Variants in STK3 observed in about 807,000 individuals in gnomAD.
STK3 encodes serine/threonine kinase 3.
STK3 carries 41 observed loss-of-function variants against 58.0 expected under a neutral mutation model. The ratio of observed to expected loss-of-function variants is 0.71; its 90% CI spans 0.55 to 0.92. The LOEUF (loss-of-function observed/expected upper bound fraction) is 0.92. Among genes scored for constraint, STK3 ranks in the 40% least tolerant of loss-of-function variants. STK3 has a pLI of 0.00. For synonymous variants in STK3, 170 were observed against 191.0 expected, an observed-to-expected ratio of 0.89 and a Z score of 0.91; for missense variants, 479 against 602.7, an observed-to-expected ratio of 0.79 and a Z score of 2.15.
chr8:98,573,645 C>T (rs554482764), intron 8 of STK3, among the ~76,000 whole-genome samples: 3 of 152,226 alleles, frequency 2.0e-5, no homozygotes, highest in Admixed American at 2.0e-4. Flanking sequence ...GCCTTTCCAA[C>T]AGTCCCCCAA....
chr8:98,736,896 T>C (rs1283284810), intron 4 of STK3, among the ~76,000 whole-genome samples: 1 of 152,194 alleles, frequency 6.6e-6, no homozygotes, highest in Non-Finnish European at 1.5e-5. Flanking sequence ...TTTCTAATAA[T>C]GTAATCTAAA....
chr8:98,546,333 T>C (rs1810697614), intron 9 of STK3, among the ~76,000 whole-genome samples: 2 of 152,144 alleles, frequency 1.3e-5, no homozygotes, highest in Non-Finnish European at 2.9e-5. Flanking sequence ...CCTTGAAATA[T>C]AATACACTGC....
intron 1 of STK3, among the ~76,000 whole-genome samples, chr8:98,928,156 C>T (rs1399580189): frequency 2.0e-5 from 3 of 152,190 alleles, no homozygotes; most frequent in Non-Finnish European, 4.4e-5. Flanking sequence ...ATTGTTGTGG[C>T]ATTCCACGGC....
Position 98,825,606 on chromosome 8 carries a change from G to T in STK3, c.-66C>A, listed in dbSNP as rs973990350. 5 of 1,367,336 alleles carry T rather than the reference G, an allele frequency of 3.7e-6. No individual in the cohort carries two copies. The African/African-American group carries it at 7.7e-5, about 21-fold the overall frequency. 84.7% of individuals were successfully genotyped at this position (1,367,336 alleles called of 1,614,324 possible). ...GGCCGAAAGGAGGAAAGGAGCCGGG[G>T]CACCGGCCGGCCGAGCCTAGGGCAC... On this transcript the variant is annotated 5_prime_UTR_variant, in exon 1 of 11. Transcript: ENST00000419617.
At chr8:98,411,406 A>G (rs1232253627) in intron 3 of STK3, among the ~76,000 whole-genome samples, 2 of 152,244 alleles carry the variant, frequency 1.3e-5, no homozygotes, top group Non-Finnish European at 2.9e-5. Context: ...CTTAAGGCCA[A>G]TAGGCCCCCT....
intron 3 of STK3, among the ~76,000 whole-genome samples, chr8:98,870,447 A>T (rs1055931252): frequency 1.8e-4 from 27 of 152,188 alleles, no homozygotes; most frequent in African/African-American, 6.0e-4. Context: ...GAACTAGTTT[A>T]CACTCCCACC....
At chr8:98,743,636 A>G (rs1829410683) in intron 4 of STK3, among the ~76,000 whole-genome samples, 1 of 152,204 alleles carries the variant, frequency 6.6e-6, no homozygotes, top group African/African-American at 2.4e-5. Context: ...ACAACCCTAG[A>G]AGAAAACCTA....
At chr8:98,651,179 G>GT (rs1387072777) in intron 6 of STK3, among the ~76,000 whole-genome samples, 50 of 152,284 alleles carry the variant, frequency 3.3e-4, no homozygotes, top group African/African-American at 1.0e-3. Flanking sequence ...AGCATTCGCG[G>GT]TCACGAAAAT....
At chr8:98,708,773 C>CTGAG (rs899435340) in intron 4 of STK3, among the ~76,000 whole-genome samples, 1 of 152,138 alleles carries the variant, frequency 6.6e-6, no homozygotes, top group African/African-American at 2.4e-5. Flanking sequence ...TGTGAATTGA[C>CTGAG]TGAGTGAGTG....
intron 4 of STK3, chr8:98,722,844 A>C: frequency 2.0e-6 from 1 of 489,978 alleles, no homozygotes; most frequent in South Asian, 1.5e-5. Flanking sequence ...GGGAGAAAAC[A>C]CATGAGAGAG....
At chr8:98,353,483 C>A in the STK3 span, among the ~76,000 whole-genome samples, 1 of 150,480 alleles carries the variant, frequency 6.6e-6, no homozygotes, top group Non-Finnish European at 1.5e-5. Context: ...AGAGTGAGAC[C>A]CTGTTTCTAA....
rs1481583215 is a variant in STK3 at position 98,427,697 on chromosome 8, G to T, written n.483+6430C>A. 7.5e-5 allele frequency: 23 copies of T among 307,162 alleles called. No homozygotes were observed. In the East Asian group the frequency reaches 1.2e-3, roughly 16 times the overall value. 19.0% of individuals were successfully genotyped at this position (307,162 alleles called of 1,614,324 possible). On this transcript the variant is annotated intron_variant and non_coding_transcript_variant, in intron 3 of 3. Transcript: ENST00000517832. Reference sequence around the variant, plus strand: ...CCCCCTGGGCGCTCAGAGCCGCGGGGACGCGACCCCGCACGCGCAAAGCGC... The same window carrying T: ...CCCCCTGGGCGCTCAGAGCCGCGGGTACGCGACCCCGCACGCGCAAAGCGC...
chr8:98,853,798 A>G (rs1264448428), intron 3 of STK3, among the ~76,000 whole-genome samples: 1 of 152,250 alleles, frequency 6.6e-6, no homozygotes, highest in East Asian at 1.9e-4. Context: ...ATAGAACTAT[A>G]TGTCAGAAAG....
intron 4 of STK3, among the ~76,000 whole-genome samples, chr8:98,742,450 C>T (rs1829299814): frequency 8.1e-6 from 1 of 122,868 alleles, no homozygotes; most frequent in Non-Finnish European, 1.7e-5. Context: ...TAAACGTAAT[C>T]CATCACGTAA....
chr8:98,497,465 A>T (rs912307397), intron 10 of STK3, among the ~76,000 whole-genome samples: 17 of 152,172 alleles, frequency 1.1e-4, no homozygotes, highest in Non-Finnish European at 2.1e-4. Flanking sequence ...ATCAAAATTT[A>T]AAAATGTGCT....
At chr8:98,415,293 G>A (rs1047797619) in intron 3 of STK3, among the ~76,000 whole-genome samples, 1 of 152,144 alleles carries the variant, frequency 6.6e-6, no homozygotes, top group Non-Finnish European at 1.5e-5. Flanking sequence ...ATCCAGTCTC[G>A]GGTATTTTGT....
At chr8:98,719,178 T>C (rs894178150) in intron 4 of STK3, among the ~76,000 whole-genome samples, 3 of 152,140 alleles carry the variant, frequency 2.0e-5, no homozygotes, top group East Asian at 1.9e-4. Flanking sequence ...GGTGCTGTCA[T>C]GTGCACCTAG....
rs115044686 is a variant in STK3 at position 98,658,255 on chromosome 8, C to G, written c.684+48212G>C. Among the ~76,000 whole-genome samples the G allele has an allele frequency of 4.7e-3, 713 of 151,808 alleles. 5 individuals are homozygous for G. The highest frequency in any genetic ancestry group is 0.016 in the African/African-American group (680 of 41,408). ...AATTCCCTATTGAAGCTGGACTGTG[C>G]GGTAGAGAAAAAAAATGAGCTTTGG... On this transcript the variant is annotated intron_variant, in intron 6 of 10. Coordinates refer to ENST00000419617, the MANE Select transcript of STK3 (RefSeq NM_006281.4).
At chr8:98,562,928 A>G (rs1812174804) in intron 8 of STK3, among the ~76,000 whole-genome samples, 2 of 151,444 alleles carry the variant, frequency 1.3e-5, no homozygotes, top group Admixed American at 1.3e-4. Flanking sequence ...AACAACAACA[A>G]TAACAAAAAG....
Sources: allele counts gnomAD v4.1 joint callset (sites outside exome capture counted in the v4.1 genomes callset), GRCh38; gene constraint gnomAD v4.1.1; transcripts MANE v1.5; gene names NCBI Gene and HGNC (gene_info 2026-07-23, HGNC 2026-07-21).